Variants in NRXN3 observed in about 807,000 individuals in gnomAD.
The protein encoded by NRXN3 is neurexin 3.
A neutral mutation model predicts 137.6 loss-of-function variants in NRXN3; 32 were observed. That is an observed-to-expected ratio of 0.23 (90% CI 0.18 to 0.31). The LOEUF (loss-of-function observed/expected upper bound fraction) is 0.31. Ranked by LOEUF, NRXN3 falls within the 10% of genes least tolerant of loss-of-function variation. NRXN3 has a pLI of 1.00. For synonymous variants in NRXN3, 798 were observed against 784.5 expected (o/e 1.02, Z -0.29); for missense variants, 1,574 against 2,062.5 (o/e 0.76, Z 4.59).
chr14:78,868,900 C>T (rs745318876), intron 10 of NRXN3, among the ~76,000 whole-genome samples: 2 of 152,028 alleles, frequency 1.3e-5, no homozygotes, highest in Non-Finnish European at 2.9e-5. Flanking sequence ...CACTTAGCAT[C>T]ATAATGGAAT....
intron 10 of NRXN3, among the ~76,000 whole-genome samples, chr14:78,859,507 T>C (rs1273382738): frequency 6.6e-6 from 1 of 152,162 alleles, no homozygotes; most frequent in Non-Finnish European, 1.5e-5. Context: ...TTCCATGTGG[T>C]TGAGCTTGGC....
At chr14:79,455,231 T>A (rs559948119) in intron 15 of NRXN3, among the ~76,000 whole-genome samples, 1 of 152,326 alleles carries the variant, frequency 6.6e-6, no homozygotes, top group Non-Finnish European at 1.5e-5. Context: ...TCTTCTTCTA[T>A]AACCTCACAT....
At chr14:79,838,704 G>A (rs570028292) in intron 20 of NRXN3, among the ~76,000 whole-genome samples, 1 of 152,278 alleles carries the variant, frequency 6.6e-6, no homozygotes, top group South Asian at 2.1e-4. Flanking sequence ...GTGATACCAA[G>A]CTGCTGCCAT....
chr14:79,813,940 G>GTATC (rs1447286492), intron 20 of NRXN3, among the ~76,000 whole-genome samples: 2 of 152,178 alleles, frequency 1.3e-5, no homozygotes, highest in Non-Finnish European at 2.9e-5. Flanking sequence ...AATATTTGTT[G>GTATC]TATCTTTTAT....
intron 4 of NRXN3, among the ~76,000 whole-genome samples, chr14:78,405,618 G>GGGA (rs386381907): frequency 2.8e-5 from 4 of 142,888 alleles, no homozygotes; most frequent in African/African-American, 2.5e-5. Flanking sequence ...AGGGGCGGGG[G>GGGA]GGTTCCGGGT....
At chr14:78,842,097 A>G (rs1249594741) in intron 10 of NRXN3, among the ~76,000 whole-genome samples, 1 of 152,074 alleles carries the variant, frequency 6.6e-6, no homozygotes, top group Non-Finnish European at 1.5e-5. Context: ...TTCTTTGTAC[A>G]CTGAATTGTA....
rs1177945977 is a variant in NRXN3 at position 79,738,352 on chromosome 14, CACAG to C, written c.4014+40417_4014+40420del. Among the ~76,000 whole-genome samples the C allele has an allele frequency of 3.9e-3, 582 of 148,542 alleles. 7 individuals carry two copies. In the East Asian group the frequency reaches 0.056, roughly 14 times the overall value. On this transcript the variant is annotated intron_variant, in intron 19 of 20. Transcript: ENST00000335750. The stretch of plus-strand genomic sequence containing the variant: ...ACACACACACACACACACACACACA[CACAG>C]AGGAGAAGGTGATGGAGGCAGATAC...
At chr14:78,501,852 T>C (rs928040719) in intron 4 of NRXN3, among the ~76,000 whole-genome samples, 1 of 152,112 alleles carries the variant, frequency 6.6e-6, no homozygotes, top group African/African-American at 2.4e-5. Context: ...ATTTTATTTT[T>C]TACAAAGCGT....
chr14:78,713,160 T>G (rs1595065483), intron 7 of NRXN3, among the ~76,000 whole-genome samples: 1 of 152,304 alleles, frequency 6.6e-6, no homozygotes, highest in East Asian at 1.9e-4. Context: ...ATAAAGACAT[T>G]TAGGACTAGA....
intron 4 of NRXN3, among the ~76,000 whole-genome samples, chr14:78,515,840 C>A (rs1030930175): frequency 1.3e-5 from 2 of 152,124 alleles, no homozygotes; most frequent in African/African-American, 4.8e-5. Flanking sequence ...AGATGGAAAT[C>A]TCCTCATTTC....
chr14:79,018,429 C>T (rs1165678820), intron 15 of NRXN3, among the ~76,000 whole-genome samples: 1 of 152,060 alleles, frequency 6.6e-6, no homozygotes, highest in African/African-American at 2.4e-5. Context: ...CATAGCCCTG[C>T]CACTTCTACA....
intron 4 of NRXN3, among the ~76,000 whole-genome samples, chr14:78,318,302 G>A (rs6574432): frequency 0.82 from 124,909 of 152,164 alleles, 51,892 homozygotes; most frequent in African/African-American, 0.96. Context: ...GGAAATGTCT[G>A]TGGGAATGGA....
At chr14:79,156,450 T>C (rs1192099111) in intron 15 of NRXN3, among the ~76,000 whole-genome samples, 1 of 151,824 alleles carries the variant, frequency 6.6e-6, no homozygotes, top group South Asian at 2.1e-4. Flanking sequence ...TCCTGTACCA[T>C]TGGAAAATGA....
chr14:79,078,429 A>G (rs1489374687), intron 15 of NRXN3, among the ~76,000 whole-genome samples: 1 of 152,194 alleles, frequency 6.6e-6, no homozygotes, highest in Admixed American at 6.5e-5. Context: ...GCTGACTTAC[A>G]TGGTAAAAAT....
At chr14:78,373,874 G>C (rs1163147256) in intron 4 of NRXN3, among the ~76,000 whole-genome samples, 3 of 152,212 alleles carry the variant, frequency 2.0e-5, no homozygotes, top group African/African-American at 7.2e-5. Context: ...TGAGCTTTTA[G>C]CTTGCATCTG....
At chr14:79,133,243 G>A (rs904304196) in intron 15 of NRXN3, among the ~76,000 whole-genome samples, 2 of 152,222 alleles carry the variant, frequency 1.3e-5, no homozygotes, top group African/African-American at 4.8e-5. Context: ...CTGAAGCTAA[G>A]TCTGTCCTCT....
At chr14:78,469,459 T>A (rs913345339) in intron 4 of NRXN3, among the ~76,000 whole-genome samples, 1 of 152,200 alleles carries the variant, frequency 6.6e-6, no homozygotes, top group African/African-American at 2.4e-5. Context: ...GAATAATCAA[T>A]GTTTTCAGGG....
intron 8 of NRXN3, among the ~76,000 whole-genome samples, chr14:78,784,032 T>A (rs961894358): frequency 6.7e-6 from 1 of 148,500 alleles, no homozygotes; most frequent in Non-Finnish European, 1.5e-5. Context: ...TTCTTGGAGC[T>A]TACAGCCTAG....
intron 16 of NRXN3, among the ~76,000 whole-genome samples, chr14:79,592,788 T>C (rs976677840): frequency 2.0e-5 from 3 of 152,204 alleles, no homozygotes; most frequent in Non-Finnish European, 4.4e-5. Context: ...GATCTTATCT[T>C]CTGTCCATAA....
Sources: allele counts gnomAD v4.1 joint callset (sites outside exome capture counted in the v4.1 genomes callset), GRCh38; gene constraint gnomAD v4.1.1; transcripts MANE v1.5; gene names NCBI Gene and HGNC (gene_info 2026-07-23, HGNC 2026-07-21).